STRN4: variants seen among roughly 807,000 people sequenced by gnomAD.
STRN4 encodes striatin-4.
In STRN4, 27 loss-of-function variants were observed where a neutral mutation model predicts 77.9. That is an observed-to-expected ratio of 0.35 (90% confidence interval 0.26 to 0.48). The LOEUF is 0.48. STRN4 is among the 20% of genes least tolerant of loss of function. STRN4 has a pLI of 0.99. For synonymous variants in STRN4, 466 were observed against 443.1 expected (o/e 1.05, Z -0.65); for missense variants, 798 against 1,049.7 (o/e 0.76, Z 3.31).
At chr19:46,721,095 G>A (rs1042506533) in intron 16 of STRN4, 3 of 241,234 alleles carry the variant, frequency 1.2e-5, no homozygotes, top group African/African-American at 4.5e-5. Context: ...AGAGAAAGAA[G>A]AAAGCAACCC....
At position 46,723,366 on chromosome 19, in the gene STRN4, AGCCCCAGGCAGCTGGG is replaced by A; in HGVS notation, c.1595-98_1595-83del. On this transcript the variant is annotated intron_variant, in intron 12 of 17. Coordinates refer to ENST00000263280, the MANE Select transcript of STRN4 (RefSeq NM_013403.3). The surrounding 1 kb of genome is among the most constrained non-coding windows in gnomAD (Gnocchi z 5.5). ...ACAGCCCAGAGCCCCAGCTCTGCCA[AGCCCCAGGCAGCTGGG>A]CTCCAATCACCCACGCACCCACTTC... 1 of 1,448,420 alleles carries A rather than the reference AGCCCCAGGCAGCTGGG, an allele frequency of 6.9e-7. No individual in the cohort carries two copies. The highest frequency in any genetic ancestry group is 9.1e-7 in the Non-Finnish European group (1 of 1,097,178). 89.7% of individuals were successfully genotyped at this position (1,448,420 alleles called of 1,614,324 possible).
At chr19:46,721,896 G>T in intron 16 of STRN4, 90 bp downstream of exon 16, 6 of 1,477,814 alleles carry the variant, frequency 4.1e-6, no homozygotes, top group Non-Finnish European at 4.7e-6. Context: ...CCTGGCCCCC[G>T]GGGCCCCCTG....
In STRN4 at chr19:46,723,060, A is replaced by T. The variant is rs762199823; in HGVS notation, c.1765+54T>A. 1.7e-5 allele frequency: 26 copies of T among 1,569,454 alleles called. No homozygotes were observed. The highest frequency in any genetic ancestry group is 2.1e-5 in the Non-Finnish European group (24 of 1,156,748). ...TGGGGCCTCAGCAGGAACCACTCTG[A>T]TAGCCTCCAGATCCCGCACAGCTCC... On this transcript the variant is annotated intron_variant, in intron 13 of 17. Coordinates refer to ENST00000263280, the MANE Select transcript of STRN4 (RefSeq NM_013403.3). The surrounding 1 kb of genome is among the most constrained non-coding windows in gnomAD (Gnocchi z 5.5).
rs774636476 is a variant in STRN4, at chr19:46,738,174, C to T, written c.450G>A (p.Val150=). The T allele has an allele frequency of 1.9e-6, 3 of 1,614,090 alleles. No individual in the cohort carries two copies. Among genetic ancestry groups the T allele is most frequent in the Non-Finnish European group, 2.5e-6 (3 of 1,180,024 alleles). ...TCAGAGGGTGGGTACCTTGTTCTGACACATCTGCTTTCTTCTCCCCCTGGT... is the reference window on the plus strand; with the variant it reads ...TCAGAGGGTGGGTACCTTGTTCTGATACATCTGCTTTCTTCTCCCCCTGGT... ...DLNQGEKKAD[V]SEQVSNGPVE... Residue 150 remains valine (V), a synonymous_variant, in exon 3 of 18, where the codon GTG becomes GTA. Coordinates refer to ENST00000263280, the MANE Select transcript of STRN4 (RefSeq NM_013403.3). The surrounding 1 kb of genome is among the most constrained non-coding windows in gnomAD (Gnocchi z 4.5).
rs908873461 is a variant in STRN4, at chr19:46,730,462, G to A, written c.879+270C>T. Reference sequence around the variant, plus strand: ...AGGCAAAGGGACCCGCTAATGGGAAGCCCGGGGCTCAGGGAAAGCTCCGAG... The same window carrying A: ...AGGCAAAGGGACCCGCTAATGGGAAACCCGGGGCTCAGGGAAAGCTCCGAG... On this transcript the variant is annotated intron_variant, in intron 6 of 17. Coordinates refer to ENST00000263280, the MANE Select transcript of STRN4 (RefSeq NM_013403.3). Among the ~76,000 whole-genome samples the A allele has an allele frequency of 2.3e-4, 35 of 152,206 alleles. 1 individual carries two copies. The highest frequency in any genetic ancestry group is 7.5e-4 in the African/African-American group (31 of 41,444).
At chr19:46,722,654 G>A (rs900390848) in intron 14 of STRN4, among the ~76,000 whole-genome samples, 156 bp downstream of exon 14, 3 of 152,228 alleles carry the variant, frequency 2.0e-5, no homozygotes, top group African/African-American at 4.8e-5. Flanking sequence ...GAGGGCCGGG[G>A]GCCCTCCACT....
intron 1 of STRN4, among the ~76,000 whole-genome samples, chr19:46,743,290 T>G (rs2054506328): frequency 6.6e-6 from 1 of 152,160 alleles, no homozygotes; most frequent in African/African-American, 2.4e-5. Context: ...TGTCTGAATT[T>G]TTACTAACTT....
chr19:46,726,670 G>A (rs1016782005), intron 9 of STRN4, among the ~76,000 whole-genome samples: 5 of 152,140 alleles, frequency 3.3e-5, no homozygotes, highest in South Asian at 2.1e-4. Context: ...CAGGGGACCC[G>A]GAGAGGGCCA....
intron 3 of STRN4, among the ~76,000 whole-genome samples, chr19:46,737,771 C>A (rs1274560620): frequency 6.6e-6 from 1 of 152,186 alleles, no homozygotes; most frequent in Non-Finnish European, 1.5e-5. Flanking sequence ...CTGTACCCTA[C>A]AAATAAAGTC....
chr19:46,736,900 G>T lies in STRN4; in HGVS notation c.462C>A (p.Val154=). 6.2e-7 allele frequency: 1 copy of T among 1,611,834 alleles called. No homozygotes were observed. Among genetic ancestry groups the T allele is most frequent in the Non-Finnish European group, 8.5e-7 (1 of 1,178,904 alleles). The part of the protein sequence containing the change: ...GEKKADVSEQ[V]SNGPVESVTL... ...TGACCGATTCCACGGGGCCATTGGA[G>T]ACTGGCGGGTGAGAGAACGGAGGCT... The change falls in exon 4 of 18, where the codon GTC becomes GTA. Residue 154 remains valine, a splice_region_variant and synonymous_variant. Transcript: ENST00000263280.
In STRN4 at chr19:46,743,148, T is replaced by C. The variant is rs2054503048; in HGVS notation, c.282+3001A>G. ...ATACATACAGCAGTAGTTCATCTAT[T>C]ACATAAGCACAATAACTCTTCTCTC... On this transcript the variant is annotated intron_variant, in intron 1 of 17. Transcript: ENST00000263280. Among the ~76,000 whole-genome samples the C allele has an allele frequency of 2.6e-5, 4 of 152,288 alleles. No individual in the cohort carries two copies. In the South Asian group the frequency reaches 8.3e-4, roughly 32 times the overall value.
Position 46,723,217 on chromosome 19 carries a change from G to T in STRN4, c.1662C>A (p.Pro554=). 6.4e-7 allele frequency: 1 copy of T among 1,553,574 alleles called. No individual in the cohort carries two copies. The highest frequency in any genetic ancestry group is 2.4e-5 in the East Asian group (1 of 41,160). The change falls in exon 13 of 18, where the codon CCC becomes CCA. Residue 554 remains proline, a synonymous_variant. Coordinates refer to ENST00000263280, the MANE Select transcript of STRN4 (RefSeq NM_013403.3). The surrounding 1 kb of genome is among the most constrained non-coding windows in gnomAD (Gnocchi z 5.5). ...AACAGGAGGCCAGGCGCTGGGAGGT[G>T]GGACTGAAGGCCAGGCCCCACACGG... The part of the protein sequence containing the change: ...GDAVWGLAFS[P]TSQRLASCSA...
At chr19:46,728,559 T>C (rs2054177367) in intron 7 of STRN4, 59 bp downstream of exon 7, 1 of 1,574,564 alleles carries the variant, frequency 6.4e-7, no homozygotes, top group Non-Finnish European at 8.6e-7. Flanking sequence ...CAGCTGAGCC[T>C]GCTCCCACCC....
Position 46,723,079 on chromosome 19 carries a change from C to G in STRN4, c.1765+35G>C. Reference sequence around the variant, plus strand: ...ACTCTGATAGCCTCCAGATCCCGCACAGCTCCAGGGTGAGGCACCGGGGCC... The same window carrying G: ...ACTCTGATAGCCTCCAGATCCCGCAGAGCTCCAGGGTGAGGCACCGGGGCC... On this transcript the variant is annotated intron_variant, in intron 13 of 17. Coordinates refer to ENST00000263280, the MANE Select transcript of STRN4 (RefSeq NM_013403.3). This position sits in a 1 kb window ranked among gnomAD's most constrained non-coding sequence, Gnocchi z 5.5. The G allele has an allele frequency of 6.4e-7, 1 of 1,560,432 alleles. No individual in the cohort carries two copies. The highest frequency in any genetic ancestry group is 8.7e-7 in the Non-Finnish European group (1 of 1,152,108).
intron 16 of STRN4, chr19:46,721,133 C>T (rs2053966595): frequency 5.5e-6 from 1 of 182,850 alleles, no homozygotes. Flanking sequence ...ACAGAATGGC[C>T]CCAGGAGGAA....
chr19:46,735,399 G>T (rs925253509), intron 4 of STRN4, among the ~76,000 whole-genome samples: 1 of 152,196 alleles, frequency 6.6e-6, no homozygotes, highest in South Asian at 2.1e-4. Flanking sequence ...TCAGGAGGCT[G>T]AGGCAGGAGA....
chr19:46,728,057 T>G (rs1415671035), intron 7 of STRN4, 50 bp from the exon 8 acceptor site: 1 of 1,553,646 alleles, frequency 6.4e-7, no homozygotes, highest in African/African-American at 1.3e-5. Context: ...TCCAACCCAG[T>G]CTGGCATAGG....
chr19:46,722,674 C>A, intron 14 of STRN4, 136 bp downstream of exon 14: 1 of 1,383,136 alleles, frequency 7.2e-7, no homozygotes, highest in Non-Finnish European at 9.8e-7. Context: ...TGGGACCCAA[C>A]TTCCTTCCTG....
At position 46,725,475 on chromosome 19, in the gene STRN4, C is replaced by T. The variant is rs2054089329; in HGVS notation, c.1422G>A (p.Lys474=). ...LWNLQKAVTA[K]KNAALDVEPI... ...GGCTCTGAGCTTGCTGCCCTCACTT[C>T]TTGGCCGTGACCGCCTTCTGCAGGT... Residue 474 remains lysine (K), a splice_region_variant and synonymous_variant, in exon 10 of 18, where the codon AAG becomes AAA. Transcript: ENST00000263280. The T allele has an allele frequency of 6.2e-7, 1 of 1,613,860 alleles. No individual in the cohort carries two copies. Among genetic ancestry groups the T allele is most frequent in the Non-Finnish European group, 8.5e-7 (1 of 1,179,960 alleles).
Sources: allele counts gnomAD v4.1 joint callset (sites outside exome capture counted in the v4.1 genomes callset), GRCh38; gene constraint gnomAD v4.1.1; non-coding constraint Gnocchi (gnomAD v3.1); transcripts MANE v1.5; gene names NCBI Gene and HGNC (gene_info 2026-07-23, HGNC 2026-07-21).